Variants in DNAH11 observed in about 807,000 individuals in gnomAD.
The protein encoded by DNAH11 is axonemal beta dynein heavy chain 11.
In DNAH11, 442 loss-of-function variants were observed where a neutral mutation model predicts 526.0. The observed-to-expected ratio is 0.84, with a 90% confidence interval of 0.78 to 0.91. The LOEUF (loss-of-function observed/expected upper bound fraction) is 0.91, where lower values mean the gene tolerates loss of function less well. DNAH11 is among the 40% of genes least tolerant of loss of function. The pLI, the probability that DNAH11 is intolerant of heterozygous loss-of-function variation, is 0.00. For synonymous variants in DNAH11, 2,461 were observed against 1,935.9 expected (o/e 1.27, Z -7.12); for missense variants, 6,989 against 5,448.7 (o/e 1.28, Z -8.90).
chr7:21,663,349 G>GAT (rs1782307604), intron 30 of DNAH11, among the ~76,000 whole-genome samples: 1 of 152,102 alleles, frequency 6.6e-6, no homozygotes, highest in African/African-American at 2.4e-5. Flanking sequence ...TTGGTAATGG[G>GAT]ATTGCTGGGT....
At chr7:21,794,168 G>C (rs1256100467) in intron 61 of DNAH11, among the ~76,000 whole-genome samples, 1 of 152,090 alleles carries the variant, frequency 6.6e-6, no homozygotes, top group Admixed American at 6.6e-5. Flanking sequence ...TTATCTTGGA[G>C]TCGGCTGAGT....
Position 21,900,329 on chromosome 7 carries a change from C to G in DNAH11, c.13303+209C>G, listed in dbSNP as rs540954441. 3.7e-5 allele frequency among the ~76,000 whole-genome samples: 4 copies of G among 107,338 alleles called. No individual in the cohort carries two copies. In the East Asian group the frequency reaches 6.7e-4, roughly 18 times the overall value. The allele number at this position is 107,338 out of a possible 152,430, so 70.4% of individuals were successfully genotyped here. ...GTAATATTTGGGGTGATGGCTATCA[C>G]TTAAATTTTGCACATATATCTGGAT... On this transcript the variant is annotated intron_variant, in intron 81 of 81. Transcript: ENST00000409508.
chr7:21,591,708 C>A, intron 14 of DNAH11, 131 bp downstream of exon 14: 1 of 917,534 alleles, frequency 1.1e-6, no homozygotes, highest in Non-Finnish European at 1.5e-6. Flanking sequence ...TATTATTAGG[C>A]ATTTAAAGTG....
At chr7:21,849,639 A>C (rs1480501279) in intron 66 of DNAH11, among the ~76,000 whole-genome samples, 2 of 151,746 alleles carry the variant, frequency 1.3e-5, no homozygotes. Context: ...ATTTTACTCA[A>C]CTCTCCTTTT....
In DNAH11 at chr7:21,601,623, G is replaced by C. The variant is rs750834005; in HGVS notation, c.3648+5G>C. On this transcript the variant is annotated splice_donor_5th_base_variant and intron_variant, in intron 18 of 81. Coordinates refer to ENST00000409508, the MANE Select transcript of DNAH11 (RefSeq NM_001277115.2). Reference sequence around the variant, plus strand: ...CAGGTCTATATTCAGCTAGAGGTAAGTGCAGAGGTGAAATAATCATAATTA... The same window carrying C: ...CAGGTCTATATTCAGCTAGAGGTAACTGCAGAGGTGAAATAATCATAATTA... The C allele has an allele frequency of 6.5e-7, 1 of 1,539,660 alleles. No individual in the cohort carries two copies. Among genetic ancestry groups the C allele is most frequent in the Non-Finnish European group, 8.8e-7 (1 of 1,140,922 alleles).
intron 43 of DNAH11, among the ~76,000 whole-genome samples, chr7:21,719,264 A>G (rs1042754164): frequency 3.9e-5 from 6 of 152,244 alleles, no homozygotes; most frequent in Admixed American, 3.9e-4. Context: ...AAATGGGTAT[A>G]AGAAGATAGT....
chr7:21,656,335 C>G (rs1021561988), intron 29 of DNAH11, among the ~76,000 whole-genome samples: 1 of 152,132 alleles, frequency 6.6e-6, no homozygotes, highest in East Asian at 1.9e-4. Flanking sequence ...GCTCGGAGAA[C>G]AGAGAAGGGT....
chr7:21,742,961 A>G (rs1216382510), intron 49 of DNAH11, among the ~76,000 whole-genome samples: 2 of 152,230 alleles, frequency 1.3e-5, no homozygotes, highest in African/African-American at 4.8e-5. Context: ...TGCTTCCAAA[A>G]TGGTGCCTTA....
chr7:21,848,009 C>CA (rs999087036), intron 66 of DNAH11, among the ~76,000 whole-genome samples: 5 of 151,252 alleles, frequency 3.3e-5, no homozygotes, highest in East Asian at 1.9e-4. Flanking sequence ...ACTAAAAATA[C>CA]AAAAAAAATT....
Position 21,639,159 on chromosome 7 carries a change from G to A in DNAH11, c.4944+94G>A, listed in dbSNP as rs139998174. The A allele has an allele frequency of 2.6e-5, 37 of 1,411,488 alleles. No homozygotes were observed. In the East Asian group the frequency reaches 4.9e-4, roughly 19 times the overall value. 87.4% of individuals were successfully genotyped at this position (1,411,488 alleles called of 1,614,324 possible). Reference sequence around the variant, plus strand: ...TGTCAAATGCTACCTGTCATGTCACGTGGGCCAGGAACTAGAAAATCTGCA... The same window carrying A: ...TGTCAAATGCTACCTGTCATGTCACATGGGCCAGGAACTAGAAAATCTGCA... On this transcript the variant is annotated intron_variant, in intron 28 of 81. Transcript: ENST00000409508.
chr7:21,861,355 T>A (rs1418089362), intron 68 of DNAH11, among the ~76,000 whole-genome samples: 2 of 152,322 alleles, frequency 1.3e-5, no homozygotes, highest in Non-Finnish European at 2.9e-5. Context: ...GTGAAGAGAA[T>A]CTGTACTGCA....
At position 21,554,170 on chromosome 7, in the gene DNAH11, A is replaced by ATT. The variant is rs746086141; in HGVS notation, c.496-4611_496-4610dup. On this transcript the variant is annotated intron_variant, in intron 2 of 81. Transcript: ENST00000409508. ...TCTGCATTTGTGTCTGTTCTCTGGG[A>ATT]TTTTTTTTTTTTTTTTTTTTTTAGG... Among the ~76,000 whole-genome samples, 417 of 110,350 alleles carry ATT rather than the reference A, an allele frequency of 3.8e-3. 4 individuals carry two copies. Among genetic ancestry groups the ATT allele is most frequent in the Non-Finnish European group, 6.0e-3 (327 of 54,054 alleles). 72.4% of individuals were successfully genotyped at this position (110,350 alleles called of 152,430 possible). A position where few individuals can be genotyped will look rare whatever the true frequency, so the allele number is the denominator to read the frequency against.
rs754395781 is a variant in DNAH11, at chr7:21,698,177, G to A, written c.6144G>A (p.Thr2048=). The change falls in exon 36 of 82, where the codon ACG becomes ACA. Residue 2048 remains threonine, a synonymous_variant. Coordinates refer to ENST00000409508, the MANE Select transcript of DNAH11 (RefSeq NM_001277115.2). ...DARALARKFI[T]LYTLCKELLS... is the part of the protein sequence containing the mutation. ...GTGCATTAGCCCGAAAGTTCATTAC[G>A]TTGTACACGCTTTGCAAGGAGCTTC... The A allele has an allele frequency of 5.5e-5, 89 of 1,613,610 alleles. No homozygotes were observed. The African/African-American group carries it at 6.1e-4, about 11-fold the overall frequency.
intron 76 of DNAH11, among the ~76,000 whole-genome samples, chr7:21,887,250 A>C (rs1429780259): frequency 6.6e-6 from 1 of 152,228 alleles, no homozygotes; most frequent in East Asian, 1.9e-4. Flanking sequence ...CTTGTTGAAT[A>C]AATGAGTTTG....
Position 21,818,167 on chromosome 7 carries a change from A to AT in DNAH11, c.10569-46dup, listed in dbSNP as rs760572676. 3 of 1,575,730 alleles carry AT rather than the reference A, an allele frequency of 1.9e-6. No individual in the cohort carries two copies. The East Asian group carries it at 6.8e-5, about 36-fold the overall frequency. ...TTTGATCATTTAAAAAATTTTGAAC[A>AT]TTTTGTGCCAATTTACATTTTATTA... is the stretch of plus-strand genomic sequence containing the variant. On this transcript the variant is annotated intron_variant, in intron 64 of 81. Coordinates refer to ENST00000409508, the MANE Select transcript of DNAH11 (RefSeq NM_001277115.2).
At chr7:21,897,467 T>C (rs376030129) in intron 79 of DNAH11, among the ~76,000 whole-genome samples, 21 of 152,208 alleles carry the variant, frequency 1.4e-4, no homozygotes, top group African/African-American at 5.1e-4. Flanking sequence ...AATGGCTTCA[T>C]GTTTTCCCCT....
chr7:21,890,015 A>G (rs1309314848), intron 76 of DNAH11, among the ~76,000 whole-genome samples: 2 of 152,200 alleles, frequency 1.3e-5, no homozygotes, highest in Non-Finnish European at 2.9e-5. Context: ...AAAGCAAGAT[A>G]TACTAAAATC....
At chr7:21,814,087 A>G (rs145410919) in intron 63 of DNAH11, among the ~76,000 whole-genome samples, 3 of 152,332 alleles carry the variant, frequency 2.0e-5, no homozygotes, top group East Asian at 3.9e-4. Context: ...TGAATGCTGT[A>G]GGCAATTGTA....
At position 21,899,383 on chromosome 7, in the gene DNAH11, A is replaced by G. The variant is rs1468421336; in HGVS notation, c.13097A>G (p.Gln4366Arg). The change falls in exon 80 of 82, where the codon CAA (glutamine) becomes CGA (arginine). Residue 4366 changes from glutamine (Q) to arginine (R), a missense_variant. Transcript: ENST00000409508. Reference protein sequence around the residue: ...LRCRELDTWTQDLTLPAVVWL... With the variant: ...LRCRELDTWTRDLTLPAVVWL... Reference sequence around the variant, plus strand: ...TGCCGAGAACTCGATACTTGGACACAAGACCTTACCCTTCCGGCTGTCGTG... The same window carrying G: ...TGCCGAGAACTCGATACTTGGACACGAGACCTTACCCTTCCGGCTGTCGTG... 3 of 1,613,866 alleles carry G rather than the reference A, an allele frequency of 1.9e-6. No homozygotes were observed. The highest frequency in any genetic ancestry group is 2.5e-6 in the Non-Finnish European group (3 of 1,179,886).
Sources: allele counts gnomAD v4.1 joint callset (sites outside exome capture counted in the v4.1 genomes callset), GRCh38; gene constraint gnomAD v4.1.1; transcripts MANE v1.5; gene names NCBI Gene and HGNC (gene_info 2026-07-23, HGNC 2026-07-21).